The following ZNF385B variants were observed in gnomAD, a reference collection of about 807,000 sequenced individuals.
The protein encoded by ZNF385B is zinc finger protein 533.
Under a neutral mutation model 39.2 loss-of-function variants are expected in ZNF385B, and 23 were observed. The observed-to-expected ratio is 0.59, with a 90% CI of 0.42 to 0.83. ZNF385B has a LOEUF of 0.83. Among genes scored for constraint, ZNF385B ranks in the 40% least tolerant of loss-of-function variants. ZNF385B has a pLI of 0.00. For synonymous variants in ZNF385B, 205 were observed against 222.6 expected (o/e 0.92, Z 0.70); for missense variants, 552 against 598.9 (o/e 0.92, Z 0.82).
At chr2:179,846,678 A>G (rs1197410071) in intron 1 of ZNF385B, among the ~76,000 whole-genome samples, 1 of 152,230 alleles carries the variant, frequency 6.6e-6, no homozygotes, top group African/African-American at 2.4e-5. Flanking sequence ...AACAGTATCC[A>G]CTAGATTACT....
chr2:179,856,077 C>T (rs1212285709), intron 1 of ZNF385B, among the ~76,000 whole-genome samples: 3 of 152,124 alleles, frequency 2.0e-5, no homozygotes, highest in Admixed American at 1.3e-4. Context: ...ATTAAACCAT[C>T]CCCTAGAAAT....
At chr2:179,852,320 C>T (rs1163421468) in intron 1 of ZNF385B, among the ~76,000 whole-genome samples, 2 of 152,176 alleles carry the variant, frequency 1.3e-5, no homozygotes, top group African/African-American at 2.4e-5. Context: ...TGCTGACATT[C>T]AATAGCCATA....
At chr2:179,719,165 C>T (rs1559127176) in intron 3 of ZNF385B, among the ~76,000 whole-genome samples, 2 of 152,056 alleles carry the variant, frequency 1.3e-5, no homozygotes, top group South Asian at 4.1e-4. Flanking sequence ...CTTCCTGCCT[C>T]CACCCATGAG....
chr2:179,634,765 G>A (rs901328094), intron 3 of ZNF385B, among the ~76,000 whole-genome samples: 2 of 152,088 alleles, frequency 1.3e-5, no homozygotes, highest in African/African-American at 4.8e-5. Context: ...TATGTTTATT[G>A]CGCCACTATT....
chr2:179,793,758 G>A (rs1705485613), intron 1 of ZNF385B, among the ~76,000 whole-genome samples: 1 of 152,192 alleles, frequency 6.6e-6, no homozygotes, highest in South Asian at 2.1e-4. Context: ...GCAGGTGGCT[G>A]GGGGCAGATG....
intron 1 of ZNF385B, among the ~76,000 whole-genome samples, chr2:179,831,037 A>G (rs1020907840): frequency 2.0e-5 from 3 of 152,140 alleles, no homozygotes; most frequent in African/African-American, 7.2e-5. Flanking sequence ...AAAGTCTATT[A>G]CTTTTATTTT....
chr2:179,838,836 A>G (rs1386733715), intron 1 of ZNF385B, among the ~76,000 whole-genome samples: 1 of 151,298 alleles, frequency 6.6e-6, no homozygotes, highest in East Asian at 2.0e-4. Flanking sequence ...ATTATATAAA[A>G]CTACCTTCAA....
chr2:179,773,189 G>GA (rs1285847826), intron 1 of ZNF385B, among the ~76,000 whole-genome samples: 1 of 152,068 alleles, frequency 6.6e-6, no homozygotes, highest in Non-Finnish European at 1.5e-5. Context: ...AAAAAAAAAG[G>GA]AAACTGATCC....
Position 179,572,375 on chromosome 2 carries a change from C to T in ZNF385B, c.299-27406G>A, listed in dbSNP as rs567391555. Among the ~76,000 whole-genome samples, 74 of 152,180 alleles carry T rather than the reference C, an allele frequency of 4.9e-4. 1 individual carries two copies. In the South Asian group the frequency reaches 0.015, roughly 31 times the overall value. ...TGAAGGGTTTACCTGAACACACAGA[C>T]ATTTAAGATACAGAGTGCTAGTGTG... On this transcript the variant is annotated intron_variant, in intron 3 of 9. Coordinates refer to ENST00000410066, the MANE Select transcript of ZNF385B (RefSeq NM_152520.6).
chr2:179,856,160 G>C (rs1684579343), intron 1 of ZNF385B, among the ~76,000 whole-genome samples: 1 of 152,164 alleles, frequency 6.6e-6, no homozygotes, highest in Non-Finnish European at 1.5e-5. Context: ...AGAACAACTG[G>C]ATTAGAGGAT....
chr2:179,630,127 A>C (rs891721675), intron 3 of ZNF385B, among the ~76,000 whole-genome samples: 2 of 152,268 alleles, frequency 1.3e-5, no homozygotes, highest in Non-Finnish European at 2.9e-5. Flanking sequence ...CTGCAGACTT[A>C]AATGTCCCTG....
chr2:179,556,811 T>C (rs907133926), intron 3 of ZNF385B, among the ~76,000 whole-genome samples: 1 of 148,880 alleles, frequency 6.7e-6, no homozygotes, highest in African/African-American at 2.5e-5. Flanking sequence ...AGGAGGTGAA[T>C]AGGGGAGACT....
chr2:179,464,585 A>T (rs1421081518), intron 6 of ZNF385B, among the ~76,000 whole-genome samples: 1 of 151,934 alleles, frequency 6.6e-6, no homozygotes, highest in Non-Finnish European at 1.5e-5. Context: ...AGTTTTCCCA[A>T]CACCATTTAT....
chr2:179,699,538 A>G (rs560174620), intron 3 of ZNF385B, among the ~76,000 whole-genome samples: 8 of 152,242 alleles, frequency 5.3e-5, no homozygotes, highest in Non-Finnish European at 8.8e-5. Flanking sequence ...AAATATGTAA[A>G]TAGTAAAGAA....
intron 1 of ZNF385B, among the ~76,000 whole-genome samples, chr2:179,818,405 G>C (rs13024417): frequency 0.026 from 4,019 of 152,236 alleles, 76 homozygotes; most frequent in African/African-American, 0.051. Flanking sequence ...TTTTCTTTCA[G>C]TTTAAAATAA....
intron 3 of ZNF385B, among the ~76,000 whole-genome samples, chr2:179,719,702 T>C (rs1385169784): frequency 4.6e-5 from 7 of 152,234 alleles, no homozygotes; most frequent in Non-Finnish European, 1.0e-4. Context: ...TTGCATCAAA[T>C]ACATCTTCAA....
intron 6 of ZNF385B, among the ~76,000 whole-genome samples, chr2:179,465,253 A>G (rs1032566131): frequency 2.6e-5 from 4 of 151,974 alleles, no homozygotes; most frequent in Non-Finnish European, 4.4e-5. Context: ...CTGTCCCTAA[A>G]TGTTGGCATT....
chr2:179,815,812 T>G (rs2106573687), intron 1 of ZNF385B, among the ~76,000 whole-genome samples: 1 of 152,282 alleles, frequency 6.6e-6, no homozygotes, highest in East Asian at 1.9e-4. Flanking sequence ...TGTATTTGTT[T>G]CCAGGACACC....
intron 3 of ZNF385B, among the ~76,000 whole-genome samples, chr2:179,756,803 T>G (rs1424745201): frequency 2.0e-5 from 3 of 152,214 alleles, no homozygotes; most frequent in Non-Finnish European, 2.9e-5. Context: ...TGCCATGGTT[T>G]TCAGCTCCAT....
Sources: gnomAD v4.1 joint callset for allele counts (sites outside exome capture counted in the v4.1 genomes callset) on GRCh38, gnomAD v4.1.1 for gene constraint, MANE v1.5 for transcripts, NCBI Gene and HGNC (gene_info 2026-07-23, HGNC 2026-07-21) for gene names.